ADGRG5: variants seen among roughly 807,000 people sequenced by gnomAD.
The protein encoded by ADGRG5 is adhesion G protein-coupled receptor G5.
In ADGRG5, 37 loss-of-function variants were observed where a neutral mutation model predicts 53.2. The observed-to-expected ratio is 0.70, with a 90% CI of 0.53 to 0.91. The LOEUF (loss-of-function observed/expected upper bound fraction) is 0.91. ADGRG5 is among the 40% of genes least tolerant of loss of function. ADGRG5 has a pLI of 0.00. For synonymous variants in ADGRG5, 277 were observed against 290.4 expected (o/e 0.95, Z 0.47); for missense variants, 614 against 675.8 (o/e 0.91, Z 1.01).
At chr16:57,553,863 C>G (rs1224478297) in intron 1 of ADGRG5, among the ~76,000 whole-genome samples, 1 of 152,148 alleles carries the variant, frequency 6.6e-6, no homozygotes, top group Non-Finnish European at 1.5e-5. Context: ...CTTCTATTTT[C>G]TAAAGGAATA....
At chr16:57,561,465 G>T (rs75468344) in intron 1 of ADGRG5, among the ~76,000 whole-genome samples, 1,770 of 152,152 alleles carry the variant, frequency 0.012, 26 homozygotes, top group African/African-American at 0.04. Flanking sequence ...TTCCTGAGAG[G>T]CTTTGTGCCT....
rs370463494 is a variant in ADGRG5, at chr16:57,566,556, C to T, written c.547-43C>T. On this transcript the variant is annotated intron_variant, in intron 6 of 11. Coordinates refer to ENST00000349457, the MANE Select transcript of ADGRG5 (RefSeq NM_001304376.3). Reference sequence around the variant, plus strand: ...AGGACTCCCAGACACTGATCTGCAGCCTTTCCTCTGCACCCTATGACTGAC... The same window carrying T: ...AGGACTCCCAGACACTGATCTGCAGTCTTTCCTCTGCACCCTATGACTGAC... 1.2e-4 allele frequency: 161 copies of T among 1,395,168 alleles called. 1 individual carries two copies. The African/African-American group carries it at 1.9e-3, about 16-fold the overall frequency. The allele number at this position is 1,395,168 out of a possible 1,614,324, so 86.4% of individuals were successfully genotyped here.
At chr16:57,568,839 C>G (rs548432020) in intron 9 of ADGRG5, among the ~76,000 whole-genome samples, 1 of 150,570 alleles carries the variant, frequency 6.6e-6, no homozygotes, top group Admixed American at 6.6e-5. Context: ...CCTCCATCAC[C>G]TCCATCACCA....
intron 11 of ADGRG5, 70 bp downstream of exon 11, chr16:57,575,162 T>G (rs1446897728): frequency 2.0e-6 from 3 of 1,522,220 alleles, no homozygotes; most frequent in Non-Finnish European, 2.7e-6. Flanking sequence ...TGTTCACTGC[T>G]AAAGGGGTTC....
Position 57,566,719 on chromosome 16 carries a change from T to G in ADGRG5, c.667T>G (p.Cys223Gly), listed in dbSNP as rs1446472104. 1.3e-6 allele frequency: 2 copies of G among 1,569,888 alleles called. No homozygotes were observed. Among genetic ancestry groups the G allele is most frequent in the South Asian group, 2.4e-5 (2 of 85,002 alleles). Reference protein sequence around the residue: ...QPSHSQVLCRCNHLTYFAVLM... With the variant: ...QPSHSQVLCRGNHLTYFAVLM... ...CTCCCACTCTCAGGTGCTCTGCCGCTGCAACCACCTCACCTACTTTGCTGT... is the reference window on the plus strand; with the variant it reads ...CTCCCACTCTCAGGTGCTCTGCCGCGGCAACCACCTCACCTACTTTGCTGT... Residue 223 changes from cysteine (C) to glycine (G), a missense_variant, in exon 7 of 12, where the codon TGC becomes GGC. By Grantham distance (159) the Cys-to-Gly change is radical (BLOSUM62 -3). Transcript: ENST00000349457.
Position 57,576,444 on chromosome 16 carries a change from G to A in ADGRG5, c.*906G>A, listed in dbSNP as rs1181503369. On this transcript the variant is annotated 3_prime_UTR_variant, in exon 12 of 12. Coordinates refer to ENST00000349457, the MANE Select transcript of ADGRG5 (RefSeq NM_001304376.3). ...ATTGAATTTGCCCAGGTAGGCGTGA[G>A]AGTGTGGGTTTTAAATTCGAAGCTC... The A allele has an allele frequency of 6.6e-6, 1 of 152,206 alleles. No individual in the cohort carries two copies. Among genetic ancestry groups the A allele is most frequent in the Non-Finnish European group, 1.5e-5 (1 of 68,052 alleles). The allele number at this position is 152,206 out of a possible 1,614,324, so 9.4% of individuals were successfully genotyped here. A position where few individuals can be genotyped will look rare whatever the true frequency, so the allele number is the denominator to read the frequency against.
intron 1 of ADGRG5, among the ~76,000 whole-genome samples, chr16:57,549,946 A>G (rs1323188093): frequency 6.6e-6 from 1 of 152,002 alleles, no homozygotes; most frequent in Non-Finnish European, 1.5e-5. Context: ...GACTAATGAT[A>G]TTGAGTGTTT....
upstream of ADGRG5, among the ~76,000 whole-genome samples, chr16:57,539,836 C>G (rs1376340386): frequency 1.3e-5 from 2 of 150,436 alleles, no homozygotes; most frequent in Non-Finnish European, 3.0e-5. Flanking sequence ...ATATATATAT[C>G]TTACCACAAT....
At chr16:57,547,750 T>A (rs1368395224) in intron 1 of ADGRG5, among the ~76,000 whole-genome samples, 1 of 149,668 alleles carries the variant, frequency 6.7e-6, no homozygotes. Context: ...CCCAGCCTGT[T>A]TTTTGTTTTT....
At chr16:57,536,232 C>T in the ADGRG5 span, among the ~76,000 whole-genome samples, 1 of 151,942 alleles carries the variant, frequency 6.6e-6, no homozygotes, top group Non-Finnish European at 1.5e-5. Flanking sequence ...CGGCCCGGGC[C>T]GCGGCATTCC....
At chr16:57,548,246 AC>A (rs1167553346) in intron 1 of ADGRG5, among the ~76,000 whole-genome samples, 1 of 151,256 alleles carries the variant, frequency 6.6e-6, no homozygotes, top group African/African-American at 2.4e-5. Context: ...GCATATTTTA[AC>A]TTTTAATTTT....
At chr16:57,529,952 T>C in the ADGRG5 span, among the ~76,000 whole-genome samples, 2 of 152,206 alleles carry the variant, frequency 1.3e-5, no homozygotes, top group Non-Finnish European at 2.9e-5. This position sits in a 1 kb window ranked among gnomAD's most constrained non-coding sequence, Gnocchi z 4.1. Flanking sequence ...AGCCAGGCAC[T>C]GTGCCCAGGG....
chr16:57,566,649 G>C lies in ADGRG5; in HGVS notation c.597G>C (p.Gln199His). 1 of 1,589,156 alleles carries C rather than the reference G, an allele frequency of 6.3e-7. No homozygotes were observed. Among genetic ancestry groups the C allele is most frequent in the Non-Finnish European group, 8.6e-7 (1 of 1,168,838 alleles). ...TCTGGAAGGAGGGAGCCAGGAAACA[G>C]CCCTGGGGGGGCTGGAGCCCTGAGG... ...CVFWKEGARK[Q>H]PWGGWSPEGC... The change falls in exon 7 of 12, where the codon CAG (glutamine) becomes CAC (histidine). Residue 199 changes from glutamine to histidine, a missense_variant. Coordinates refer to ENST00000349457, the MANE Select transcript of ADGRG5 (RefSeq NM_001304376.3).
the ADGRG5 span, among the ~76,000 whole-genome samples, chr16:57,532,829 GGGA>G: frequency 4.6e-5 from 7 of 152,288 alleles, no homozygotes; most frequent in African/African-American, 1.4e-4. Flanking sequence ...GTGGGGGGAG[GGGA>G]GGAGGAGGAG....
At chr16:57,545,661 C>T (rs1358821686) in intron 1 of ADGRG5, among the ~76,000 whole-genome samples, 2 of 152,218 alleles carry the variant, frequency 1.3e-5, no homozygotes, top group African/African-American at 4.8e-5. Context: ...TCAATAAGAG[C>T]AGAGCTTCCA....
At chr16:57,565,405 A>T in intron 6 of ADGRG5, 3 of 534,606 alleles carry the variant, frequency 5.6e-6, no homozygotes, top group Non-Finnish European at 9.8e-6. Context: ...CACATCCATG[A>T]AATGTCTAGA....
At chr16:57,567,384 G>A in intron 7 of ADGRG5, 86 bp from the exon 8 acceptor site, 2 of 1,460,030 alleles carry the variant, frequency 1.4e-6, no homozygotes, top group Non-Finnish European at 1.9e-6. Context: ...GACTTGGAGA[G>A]GAGGCCTCAG....
intron 1 of ADGRG5, among the ~76,000 whole-genome samples, chr16:57,549,914 T>C (rs112709478): frequency 6.6e-6 from 1 of 152,200 alleles, no homozygotes; most frequent in African/African-American, 2.4e-5. Context: ...CTGATTGTGG[T>C]TTTTATATGC....
At chr16:57,532,328 C>T in the ADGRG5 span, among the ~76,000 whole-genome samples, 8 of 152,296 alleles carry the variant, frequency 5.3e-5, no homozygotes, top group African/African-American at 9.6e-5. Flanking sequence ...ATCTGTGTCA[C>T]GCACCCAGAC....
Sources: gnomAD v4.1 joint callset for allele counts (sites outside exome capture counted in the v4.1 genomes callset) on GRCh38, gnomAD v4.1.1 for gene constraint, Gnocchi (gnomAD v3.1) non-coding constraint, MANE v1.5 for transcripts, NCBI Gene and HGNC (gene_info 2026-07-23, HGNC 2026-07-21) for gene names.